The following MCTP2 variants were observed in gnomAD, a reference collection of about 807,000 sequenced individuals.
MCTP2 encodes multiple C2 and transmembrane domain-containing protein 2.
A neutral mutation model predicts 111.6 loss-of-function variants in MCTP2; 132 were observed. The observed-to-expected ratio is 1.18, with a 90% CI of 1.03 to 1.37. The LOEUF (loss-of-function observed/expected upper bound fraction) is 1.37, where lower values mean the gene tolerates loss of function less well. Among genes scored for constraint, MCTP2 ranks in the 40% most tolerant of loss-of-function variants. MCTP2 has a pLI of 0.00. For synonymous variants in MCTP2, 395 were observed against 387.7 expected, an observed-to-expected ratio of 1.02 and a Z score of -0.22; for missense variants, 1,183 against 1,067.9, an observed-to-expected ratio of 1.11 and a Z score of -1.50.
At chr15:94,355,879 G>A in intron 8 of MCTP2, 3 of 1,032,942 alleles carry the variant, frequency 2.9e-6, no homozygotes, top group Non-Finnish European at 3.5e-6. Context: ...GCGCATCTGG[G>A]TGGGAGTACC....
At position 94,425,300 on chromosome 15, in the gene MCTP2, A is replaced by G. The variant is rs141015494; in HGVS notation, c.2086-14876A>G. On this transcript the variant is annotated intron_variant, in intron 17 of 22. Coordinates refer to ENST00000357742, the MANE Select transcript of MCTP2 (RefSeq NM_001385001.1). ...GGGCTTCTTCATTGGTCTCTTGTCTATTCCTGTACCAGTATCACACAAATA... is the reference window on the plus strand; with the variant it reads ...GGGCTTCTTCATTGGTCTCTTGTCTGTTCCTGTACCAGTATCACACAAATA... Among the ~76,000 whole-genome samples, 14 of 152,290 alleles carry G rather than the reference A, an allele frequency of 9.2e-5. No homozygotes were observed. The East Asian group carries it at 2.5e-3, about 27-fold the overall frequency.
intron 8 of MCTP2, among the ~76,000 whole-genome samples, chr15:94,354,235 ATG>A (rs375576986): frequency 6.4e-4 from 97 of 151,464 alleles, no homozygotes; most frequent in African/African-American, 2.2e-3. Flanking sequence ...TGCAGAACCT[ATG>A]TGTGTGTGTG....
At chr15:94,315,489 C>T in intron 3 of MCTP2, 40 bp from the exon 4 acceptor site, 1 of 1,434,800 alleles carries the variant, frequency 7.0e-7, no homozygotes, top group African/African-American at 1.4e-5. Context: ...TTGCTTGGGC[C>T]CAAGACATAC....
chr15:94,402,033 C>T lies in MCTP2; in HGVS notation c.2085+14C>T, dbSNP rs1311189762. On this transcript the variant is annotated intron_variant, in intron 17 of 22. Transcript: ENST00000357742. ...ATAGCATTCGCGGTAAGCTTCCTTT[C>T]TTATGTTCAAACTATTTGCTTCTTA... 5 of 1,607,994 alleles carry T rather than the reference C, an allele frequency of 3.1e-6. No individual in the cohort carries two copies. The highest frequency in any genetic ancestry group is 4.2e-6 in the Non-Finnish European group (5 of 1,178,008).
chr15:94,441,005 T>C (rs1271169492), intron 18 of MCTP2, among the ~76,000 whole-genome samples: 6 of 152,172 alleles, frequency 3.9e-5, no homozygotes, highest in East Asian at 1.9e-4. Context: ...GTAGGCTTTT[T>C]TTTTATGATG....
At chr15:94,261,466 G>T (rs937036744) in intron 1 of MCTP2, among the ~76,000 whole-genome samples, 12 of 152,192 alleles carry the variant, frequency 7.9e-5, no homozygotes, top group African/African-American at 2.9e-4. Context: ...GGCCAGGCAG[G>T]CTGTAATGTA....
chr15:94,372,377 G>A (rs2079535071), intron 12 of MCTP2, among the ~76,000 whole-genome samples: 1 of 152,162 alleles, frequency 6.6e-6, no homozygotes, highest in Admixed American at 6.5e-5. Context: ...ATCCTCCAGA[G>A]TGTTGTTCCC....
At position 94,440,246 on chromosome 15, in the gene MCTP2, A is replaced by G. The variant is rs148595149; in HGVS notation, c.2156A>G (p.Tyr719Cys). Residue 719 changes from tyrosine to cysteine, a missense_variant, in exon 18 of 23, where the codon TAC becomes TGC. By Grantham distance (194) the Tyr-to-Cys change is radical (BLOSUM62 -2). Coordinates refer to ENST00000357742, the MANE Select transcript of MCTP2 (RefSeq NM_001385001.1). ...TTGGCATTGTTGCTGATCTTTGTCT[A>G]CAATTTCATCAGACCTGTGAAAGGC... ...IPLALLLIFV[Y>C]NFIRPVKGKV... The G allele has an allele frequency of 2.8e-4, 448 of 1,614,034 alleles. No homozygotes were observed. Among genetic ancestry groups the G allele is most frequent in the Non-Finnish European group, 3.7e-4 (432 of 1,179,998 alleles).
At chr15:94,300,171 G>T (rs2075533589) in intron 2 of MCTP2, among the ~76,000 whole-genome samples, 1 of 151,932 alleles carries the variant, frequency 6.6e-6, no homozygotes, top group African/African-American at 2.4e-5. Context: ...TTCATACTCA[G>T]AAGGAATTTT....
intron 4 of MCTP2, among the ~76,000 whole-genome samples, chr15:94,327,704 C>T (rs1175797958): frequency 6.6e-6 from 1 of 152,184 alleles, no homozygotes; most frequent in Non-Finnish European, 1.5e-5. Flanking sequence ...GGATGTCCTG[C>T]AGTAAGTGAT....
intron 1 of MCTP2, among the ~76,000 whole-genome samples, chr15:94,256,541 C>G (rs1036827208): frequency 1.3e-5 from 2 of 152,116 alleles, no homozygotes; most frequent in Admixed American, 6.5e-5. Context: ...TACATAGCTG[C>G]AAAACTTTGC....
At chr15:94,425,975 T>A (rs193057253) in intron 17 of MCTP2, among the ~76,000 whole-genome samples, 1 of 152,206 alleles carries the variant, frequency 6.6e-6, no homozygotes, top group Non-Finnish European at 1.5e-5. Flanking sequence ...TTCTTTTTTT[T>A]CTTCTGGCTA....
chr15:94,333,315 C>A (rs576407092), intron 4 of MCTP2, among the ~76,000 whole-genome samples: 2 of 152,212 alleles, frequency 1.3e-5, no homozygotes, highest in African/African-American at 4.8e-5. Context: ...AGACTGATCC[C>A]TTTTTGTGAT....
intron 19 of MCTP2, among the ~76,000 whole-genome samples, chr15:94,454,003 T>G (rs2084639284): frequency 6.6e-6 from 1 of 152,218 alleles, no homozygotes; most frequent in Non-Finnish European, 1.5e-5. Flanking sequence ...CATTTTCCAC[T>G]TCAAGATTTC....
Position 94,458,242 on chromosome 15 carries a change from A to C in MCTP2, c.2356A>C (p.Lys786Gln). The C allele has an allele frequency of 6.3e-7, 1 of 1,581,308 alleles. No homozygotes were observed. Residue 786 changes from lysine (K) to glutamine (Q), a missense_variant, in exon 20 of 23, where the codon AAG becomes CAG. By Grantham distance (53) the Lys-to-Gln change is moderately conservative. Transcript: ENST00000357742. ...AATAGCTTCTTTTGGAGAAAGGATT[A>C]AGAAGTAAGTTCTAAATTTGTGTTG... Reference protein sequence around the residue: ...EEIASFGERIKNTFNWTVPFL... With the variant: ...EEIASFGERIQNTFNWTVPFL...
chr15:94,442,713 A>G (rs191602759), intron 18 of MCTP2, among the ~76,000 whole-genome samples: 16 of 152,318 alleles, frequency 1.1e-4, no homozygotes, highest in South Asian at 2.1e-4. Context: ...TTTATAGTCA[A>G]TGGTTTTATG....
intron 21 of MCTP2, among the ~76,000 whole-genome samples, chr15:94,472,972 ATC>A (rs1432871047): frequency 6.6e-6 from 1 of 152,226 alleles, no homozygotes; most frequent in African/African-American, 2.4e-5. Context: ...AACTTTAAGG[ATC>A]AGAAGACTTT....
intron 1 of MCTP2, among the ~76,000 whole-genome samples, chr15:94,283,567 C>T (rs1303446195): frequency 1.3e-5 from 2 of 152,140 alleles, no homozygotes; most frequent in Non-Finnish European, 2.9e-5. Context: ...TTTCATTCAC[C>T]CCTTTCCTAG....
intron 19 of MCTP2, among the ~76,000 whole-genome samples, chr15:94,444,414 G>T (rs1254568339): frequency 6.6e-6 from 1 of 152,152 alleles, no homozygotes; most frequent in African/African-American, 2.4e-5. Context: ...TCAATCTCTG[G>T]CCCCCTCTTC....
Sources: gnomAD v4.1 joint callset for allele counts (sites outside exome capture counted in the v4.1 genomes callset) on GRCh38, gnomAD v4.1.1 for gene constraint, MANE v1.5 for transcripts, NCBI Gene and HGNC (gene_info 2026-07-23, HGNC 2026-07-21) for gene names.